The following PSME4 variants were observed in gnomAD, a reference collection of about 807,000 sequenced individuals.
The protein encoded by PSME4 is proteasome activator complex subunit 4.
A neutral mutation model predicts 253.9 loss-of-function variants in PSME4; 89 were observed. That is an observed-to-expected ratio of 0.35 (90% CI 0.30 to 0.42). PSME4 has a LOEUF of 0.42. PSME4 is among the 10% of genes least tolerant of loss of function. PSME4 has a pLI of 1.00. For synonymous variants in PSME4, 851 were observed against 759.2 expected (o/e 1.12, Z -1.99); for missense variants, 2,014 against 2,195.2 (o/e 0.92, Z 1.65).
intron 3 of PSME4, among the ~76,000 whole-genome samples, chr2:53,946,442 C>T (rs1486162121): frequency 1.3e-5 from 2 of 152,172 alleles, no homozygotes; most frequent in African/African-American, 4.8e-5. Flanking sequence ...CTGAATGTGC[C>T]CAATCTCATC....
chr2:53,937,859 G>A lies in PSME4; in HGVS notation c.546-319C>T, dbSNP rs1459363615. Among the ~76,000 whole-genome samples, 39 of 152,004 alleles carry A rather than the reference G, an allele frequency of 2.6e-4. 1 individual carries two copies. The highest frequency in any genetic ancestry group is 2.4e-4 in the Non-Finnish European group (16 of 67,994). ...CAAAAAATTTGCCAGACATGATGGCGGCGCACATCTGTAGTCCCAGCTACT... is the reference window on the plus strand; with the variant it reads ...CAAAAAATTTGCCAGACATGATGGCAGCGCACATCTGTAGTCCCAGCTACT... On this transcript the variant is annotated intron_variant, in intron 4 of 46. Coordinates refer to ENST00000404125, the MANE Select transcript of PSME4 (RefSeq NM_014614.3).
chr2:53,960,876 G>A (rs1277364615), intron 1 of PSME4, among the ~76,000 whole-genome samples: 3 of 152,234 alleles, frequency 2.0e-5, no homozygotes, highest in Non-Finnish European at 2.9e-5. Context: ...GGGAGGCCAA[G>A]GCAGGCGGAT....
At chr2:53,917,587 T>G (rs1371674160) in intron 20 of PSME4, among the ~76,000 whole-genome samples, 1 of 152,122 alleles carries the variant, frequency 6.6e-6, no homozygotes, top group Non-Finnish European at 1.5e-5. Flanking sequence ...TACTAAAAAT[T>G]TACTAACATT....
chr2:53,951,298 G>T lies in PSME4; in HGVS notation c.243-2015C>A, dbSNP rs202052253. ...GGGTTTCACCATGTTGGCCAGGCTGGTCTCAAACTCCTGACCTTGAGATCC... is the reference window on the plus strand; with the variant it reads ...GGGTTTCACCATGTTGGCCAGGCTGTTCTCAAACTCCTGACCTTGAGATCC... On this transcript the variant is annotated intron_variant, in intron 1 of 46. Transcript: ENST00000404125. Among the ~76,000 whole-genome samples the T allele has an allele frequency of 2.6e-5, 4 of 152,194 alleles. No individual in the cohort carries two copies. The East Asian group carries it at 5.8e-4, about 22-fold the overall frequency.
In PSME4 at chr2:53,877,340, G is replaced by C. The variant is rs996934173; in HGVS notation, c.4816-1585C>G. ...AGGTGGGAAGATTGCTTGAGCCCAG[G>C]AGTTCAAGGTTACAGTGAGCTATGA... On this transcript the variant is annotated intron_variant, in intron 41 of 46. Coordinates refer to ENST00000404125, the MANE Select transcript of PSME4 (RefSeq NM_014614.3). 2.0e-5 allele frequency among the ~76,000 whole-genome samples: 3 copies of C among 151,576 alleles called. No homozygotes were observed. In the East Asian group the frequency reaches 5.8e-4, roughly 29 times the overall value.
intron 2 of PSME4, among the ~76,000 whole-genome samples, chr2:53,948,750 A>G (rs1051284000): frequency 2.0e-5 from 3 of 152,210 alleles, no homozygotes; most frequent in Admixed American, 6.5e-5. Flanking sequence ...CAGCAGATAA[A>G]AGAGGGCATT....
intron 1 of PSME4, among the ~76,000 whole-genome samples, chr2:53,968,540 TAAC>T (rs1670860560): frequency 1.3e-5 from 2 of 152,172 alleles, no homozygotes; most frequent in Admixed American, 1.3e-4. Context: ...CAGGTCACCT[TAAC>T]ATGACTTAGG....
At chr2:53,896,953 C>G (rs915482481) in intron 31 of PSME4, 68 bp from the exon 32 acceptor site, 12 of 1,153,560 alleles carry the variant, frequency 1.0e-5, no homozygotes, top group Non-Finnish European at 1.6e-5. Flanking sequence ...GTCTGCTTTA[C>G]TCAAAGCAGA....
chr2:53,968,663 T>C (rs769773721), intron 1 of PSME4, among the ~76,000 whole-genome samples: 45 of 152,238 alleles, frequency 3.0e-4, no homozygotes, highest in Non-Finnish European at 6.2e-4. Flanking sequence ...AATAAAATTC[T>C]ACCCAGTAGC....
intron 21 of PSME4, among the ~76,000 whole-genome samples, chr2:53,909,270 GT>G (rs1411114575): frequency 1.3e-5 from 2 of 152,096 alleles, no homozygotes; most frequent in African/African-American, 4.8e-5. Context: ...ATTAATGTAT[GT>G]AACTTTGGTG....
chr2:53,933,247 G>A (rs1271915598), intron 8 of PSME4: 1 of 156,504 alleles, frequency 6.4e-6, no homozygotes, highest in Non-Finnish European at 1.4e-5. Context: ...GCATGGTGGT[G>A]GGCGCCTATA....
At chr2:53,892,311 G>C (rs191030520) in intron 36 of PSME4, among the ~76,000 whole-genome samples, 1 of 152,206 alleles carries the variant, frequency 6.6e-6, no homozygotes, top group East Asian at 1.9e-4. Flanking sequence ...AACCTTAAAG[G>C]CAGGTGTGTG....
chr2:53,967,602 A>G (rs1009543470), intron 1 of PSME4, among the ~76,000 whole-genome samples: 1 of 134,696 alleles, frequency 7.4e-6, no homozygotes, highest in Non-Finnish European at 1.6e-5. Context: ...GAGCCACGAT[A>G]GTGCCACTAC....
chr2:53,879,760 C>G (rs1192688394), intron 41 of PSME4, among the ~76,000 whole-genome samples: 2 of 145,208 alleles, frequency 1.4e-5, no homozygotes, highest in Non-Finnish European at 3.0e-5. Flanking sequence ...TATGATCGTG[C>G]TACTGCACTC....
Position 53,928,411 on chromosome 2 carries a change from C to T in PSME4, c.1317-108G>A, listed in dbSNP as rs1021376706. Reference sequence around the variant, plus strand: ...AACTGCACTTTGACTTAAAGGCTTACAGTTAGCAAAATACTCAGAGTGAAA... The same window carrying T: ...AACTGCACTTTGACTTAAAGGCTTATAGTTAGCAAAATACTCAGAGTGAAA... On this transcript the variant is annotated intron_variant, in intron 10 of 46. Transcript: ENST00000404125. 3.6e-5 allele frequency: 31 copies of T among 853,362 alleles called. No individual in the cohort carries two copies. The Admixed American group carries it at 8.6e-4, about 24-fold the overall frequency. The allele number at this position is 853,362 out of a possible 1,614,324, so 52.9% of individuals were successfully genotyped here.
At chr2:53,897,413 C>T (rs1680193743) in intron 31 of PSME4, among the ~76,000 whole-genome samples, 1 of 152,078 alleles carries the variant, frequency 6.6e-6, no homozygotes, top group Admixed American at 6.5e-5. Context: ...AGGTGATCCA[C>T]CTGCCTCAGC....
In PSME4 at chr2:53,970,718, G is replaced by A. The variant is rs1048758461; in HGVS notation, c.67C>T (p.Pro23Ser). The change falls in exon 1 of 47, where the codon CCG becomes TCG. Residue 23 changes from proline (P) to serine (S), a missense_variant. Physicochemically the swap from Pro to Ser is moderately conservative, Grantham distance 74. Transcript: ENST00000404125. ...PEPGGRPEPG[P>S]RGFVPQKEIV... Reference sequence around the variant, plus strand: ...TCCTTCTGCGGGACGAAGCCCCGCGGGCCCGGCTCGGGACGCCCGCCCGGC... The same window carrying A: ...TCCTTCTGCGGGACGAAGCCCCGCGAGCCCGGCTCGGGACGCCCGCCCGGC... 4.1e-5 allele frequency: 64 copies of A among 1,548,136 alleles called. No homozygotes were observed. Among genetic ancestry groups the A allele is most frequent in the Non-Finnish European group, 5.5e-5 (63 of 1,146,210 alleles).
rs1415214410 is a variant in PSME4, at chr2:53,864,933, C to T, written c.*645G>A. On this transcript the variant is annotated 3_prime_UTR_variant, in exon 47 of 47. Transcript: ENST00000404125. ...TACACACAACAATCAGATTTCTTCACCAAACCCCCAATTTTTTAGCAACTG... is the reference window on the plus strand; with the variant it reads ...TACACACAACAATCAGATTTCTTCATCAAACCCCCAATTTTTTAGCAACTG... 1 of 152,598 alleles carries T rather than the reference C, an allele frequency of 6.6e-6. No individual in the cohort carries two copies. The highest frequency in any genetic ancestry group is 2.4e-5 in the African/African-American group (1 of 41,448). 9.5% of individuals were successfully genotyped at this position (152,598 alleles called of 1,614,324 possible).
chr2:53,904,110 T>A lies in PSME4; in HGVS notation c.2990A>T (p.Tyr997Phe), dbSNP rs184604613. ...AATGATATCTCTGCAACAGAAGTTA[T>A]ATGCTCCCAAGGCAGCAAAAAATGT... ...QQTFFAALGA[Y>F]NFCCRDIIPL... The change falls in exon 27 of 47, where the codon TAT becomes TTT. Residue 997 changes from tyrosine (Y) to phenylalanine (F), a missense_variant. Physicochemically the swap from Tyr to Phe is conservative, Grantham distance 22. This residue lies in a region of PSME4 where 989 missense variants were observed against 1,021.1 expected (regional missense o/e 0.97). Coordinates refer to ENST00000404125, the MANE Select transcript of PSME4 (RefSeq NM_014614.3). 283 of 1,613,644 alleles carry A rather than the reference T, an allele frequency of 1.8e-4. No homozygotes were observed. The East Asian group carries it at 5.9e-3, about 33-fold the overall frequency.
Sources: allele counts gnomAD v4.1 joint callset (sites outside exome capture counted in the v4.1 genomes callset), GRCh38; gene constraint gnomAD v4.1.1; regional missense constraint gnomAD v4.1.1; transcripts MANE v1.5; gene names NCBI Gene and HGNC (gene_info 2026-07-23, HGNC 2026-07-21).